KCNMA1: variants seen among roughly 807,000 people sequenced by gnomAD.
KCNMA1 encodes Calcium-activated potassium channel subunit alpha-1.
A neutral mutation model predicts 140.0 loss-of-function variants in KCNMA1; 29 were observed. The observed-to-expected ratio is 0.21, with a 90% CI of 0.15 to 0.28. The LOEUF is 0.28. Among genes scored for constraint, KCNMA1 ranks in the 10% least tolerant of loss-of-function variants. The pLI is 1.00. For missense variants in KCNMA1, 880 were observed against 1,602.2 expected, an observed-to-expected ratio of 0.55 and a Z score of 7.70; for synonymous variants, 612 against 611.9, an observed-to-expected ratio of 1.00 and a Z score of 0.00.
At chr10:77,196,064 T>C (rs2040370141) in intron 3 of KCNMA1, among the ~76,000 whole-genome samples, 1 of 152,184 alleles carries the variant, frequency 6.6e-6, no homozygotes, top group Admixed American at 6.5e-5. Flanking sequence ...GGGTGAAGTG[T>C]CTTTCTCCTT....
intron 14 of KCNMA1, among the ~76,000 whole-genome samples, chr10:77,042,285 T>C (rs2094763173): frequency 6.6e-6 from 1 of 152,238 alleles, no homozygotes; most frequent in South Asian, 2.1e-4. Flanking sequence ...AACCATAAGA[T>C]CTCAATAATT....
intron 5 of KCNMA1, among the ~76,000 whole-genome samples, chr10:77,148,942 T>C (rs1037463119): frequency 6.6e-6 from 1 of 152,200 alleles, no homozygotes; most frequent in Non-Finnish European, 1.5e-5. Context: ...ATAACAACAT[T>C]TGGAAGTTCC....
At chr10:77,342,932 C>CAGAA (rs1376657255) in intron 2 of KCNMA1, among the ~76,000 whole-genome samples, 1 of 152,152 alleles carries the variant, frequency 6.6e-6, no homozygotes, top group Non-Finnish European at 1.5e-5. Context: ...GTGGAAAGGA[C>CAGAA]AGAAGCTTGA....
chr10:77,274,786 G>A (rs763049614), intron 2 of KCNMA1, among the ~76,000 whole-genome samples: 6 of 152,232 alleles, frequency 3.9e-5, no homozygotes, highest in Non-Finnish European at 7.3e-5. Context: ...ATTGTCAGAG[G>A]AAATGGAGTA....
rs186391085 is a variant in KCNMA1 at position 76,907,326 on chromosome 10, T to G, written c.3147+2640A>C. Among the ~76,000 whole-genome samples the G allele has an allele frequency of 4.4e-3, 676 of 152,350 alleles. 4 individuals carry two copies. Among genetic ancestry groups the G allele is most frequent in the African/African-American group, 0.015 (638 of 41,566 alleles). On this transcript the variant is annotated intron_variant, in intron 25 of 27. Transcript: ENST00000286628. ...CTCATTTGAATTTCCAAGAACTGAC[T>G]ACCTACTGATGATATAGATGCTTGT...
chr10:77,168,662 A>G (rs928555319), intron 5 of KCNMA1, among the ~76,000 whole-genome samples: 1 of 152,184 alleles, frequency 6.6e-6, no homozygotes, highest in Non-Finnish European at 1.5e-5. Flanking sequence ...CATAGCAGCT[A>G]TAATAATAAT....
intron 23 of KCNMA1, 28 bp downstream of exon 23, chr10:76,944,745 G>C: frequency 6.2e-7 from 1 of 1,604,224 alleles, no homozygotes; most frequent in Non-Finnish European, 8.5e-7. Context: ...TGCAGGCACA[G>C]CAAAGAAGTA....
intron 1 of KCNMA1, among the ~76,000 whole-genome samples, chr10:77,422,923 T>A (rs780502077): frequency 2.6e-4 from 40 of 152,324 alleles, no homozygotes; most frequent in African/African-American, 9.1e-4. Context: ...TGTGAGACAA[T>A]AAATTAACAT....
At chr10:77,073,925 T>A (rs2096297534) in intron 13 of KCNMA1, among the ~76,000 whole-genome samples, 1 of 152,192 alleles carries the variant, frequency 6.6e-6, no homozygotes, top group South Asian at 2.1e-4. Context: ...TCAACCCTTA[T>A]GTCAGGCCCT....
intron 1 of KCNMA1, among the ~76,000 whole-genome samples, chr10:77,477,621 G>C (rs892335504): frequency 2.6e-5 from 4 of 152,202 alleles, no homozygotes; most frequent in African/African-American, 9.7e-5. Flanking sequence ...TATGAATATG[G>C]AGTTGGGGAG....
intron 2 of KCNMA1, among the ~76,000 whole-genome samples, chr10:77,367,637 T>G (rs2094445027): frequency 6.6e-6 from 1 of 152,234 alleles, no homozygotes; most frequent in South Asian, 2.1e-4. Context: ...TCAATTTGTA[T>G]AGCCACCACC....
chr10:77,552,173 C>G (rs1432559172), intron 1 of KCNMA1, among the ~76,000 whole-genome samples: 1 of 152,202 alleles, frequency 6.6e-6, no homozygotes, highest in Non-Finnish European at 1.5e-5. Flanking sequence ...CCAGCCACTA[C>G]AAAGGGGCCC....
At chr10:77,458,114 G>A (rs1459323506) in intron 1 of KCNMA1, among the ~76,000 whole-genome samples, 1 of 152,198 alleles carries the variant, frequency 6.6e-6, no homozygotes, top group Non-Finnish European at 1.5e-5. Context: ...CAGCAGGAAA[G>A]CCAGTCTTGT....
intron 2 of KCNMA1, among the ~76,000 whole-genome samples, chr10:77,393,198 T>C (rs1327087806): frequency 6.6e-6 from 1 of 152,152 alleles, no homozygotes; most frequent in African/African-American, 2.4e-5. Flanking sequence ...GCCTGGGGCA[T>C]TCAGAGCCTT....
intron 1 of KCNMA1, among the ~76,000 whole-genome samples, chr10:77,611,150 A>C (rs1307086055): frequency 1.3e-5 from 2 of 152,212 alleles, no homozygotes; most frequent in Non-Finnish European, 2.9e-5. Context: ...CACCTTCCCC[A>C]TTCCTTGCAG....
intron 20 of KCNMA1, among the ~76,000 whole-genome samples, chr10:76,960,536 C>T (rs2395445): frequency 7.5e-6 from 1 of 132,562 alleles, no homozygotes; most frequent in Non-Finnish European, 1.6e-5. Flanking sequence ...CAGACCCTGT[C>T]TAAAAAAAAA....
intron 21 of KCNMA1, chr10:76,952,033 T>A: frequency 1.3e-6 from 2 of 1,551,964 alleles, no homozygotes; most frequent in South Asian, 2.4e-5. Context: ...AAGTAGTAAC[T>A]CACCTCCTTA....
intron 25 of KCNMA1, chr10:76,901,432 T>C (rs1390351802): frequency 6.6e-6 from 1 of 152,176 alleles, no homozygotes; most frequent in African/African-American, 2.4e-5. Context: ...GCACTATAGG[T>C]TATCCATTGC....
At chr10:76,940,564 C>A (rs1745535217) in intron 23 of KCNMA1, among the ~76,000 whole-genome samples, 1 of 152,168 alleles carries the variant, frequency 6.6e-6, no homozygotes, top group African/African-American at 2.4e-5. Context: ...GACAGTTCTT[C>A]AGACAATGCA....
Sources: allele counts gnomAD v4.1 joint callset (sites outside exome capture counted in the v4.1 genomes callset), GRCh38; gene constraint gnomAD v4.1.1; transcripts MANE v1.5; gene names NCBI Gene and HGNC (gene_info 2026-07-23, HGNC 2026-07-21).